Variants in APLP1 observed in about 807,000 individuals in gnomAD.
The protein encoded by APLP1 is amyloid beta (A4) precursor-like protein 1.
Under a neutral mutation model 84.5 loss-of-function variants are expected in APLP1, and 46 were observed. That is an observed-to-expected ratio of 0.54 (90% CI 0.43 to 0.70). APLP1 has a LOEUF of 0.70. Ranked by LOEUF, APLP1 falls within the 30% of genes least tolerant of loss-of-function variation. The pLI, the probability that APLP1 is intolerant of heterozygous loss-of-function variation, is 0.00. For missense variants in APLP1, 826 were observed against 900.2 expected (o/e 0.92, Z 1.05); for synonymous variants, 376 against 364.0 (o/e 1.03, Z -0.38).
rs754145518 is a variant in APLP1 at position 35,871,929 on chromosome 19, C to A, written c.743C>A (p.Ser248Tyr). ...EGAEDEEEEESFPQPVDDYFV... is the reference protein window; with the variant it reads ...EGAEDEEEEEYFPQPVDDYFV... ...GCTGAGGACGAGGAAGAGGAGGAAT[C>A]CTTCCCACAGCCAGTAGATGATTAC... is the stretch of plus-strand genomic sequence containing the variant. Residue 248 changes from serine to tyrosine, a missense_variant, in exon 6 of 17, where the codon TCC (serine) becomes TAC (tyrosine). By Grantham distance (144) the Ser-to-Tyr change is moderately radical. Transcript: ENST00000221891. 2 of 1,614,150 alleles carry A rather than the reference C, an allele frequency of 1.2e-6. No homozygotes were observed. Among genetic ancestry groups the A allele is most frequent in the Admixed American group, 3.3e-5 (2 of 60,014 alleles).
At chr19:35,871,560 T>C in intron 4 of APLP1, 52 bp from the exon 5 acceptor site, 1 of 1,607,666 alleles carries the variant, frequency 6.2e-7, no homozygotes, top group Non-Finnish European at 8.5e-7. Flanking sequence ...CAGTTCCCCA[T>C]CTACCCCCTC....
chr19:35,872,470 C>A lies in APLP1; in HGVS notation c.851-13C>A, dbSNP rs542854927. ...TGGGCTGCAGACTGACCTCCTGATCCCTGGTCTTGCAGTCACTCCCACCCC... is the reference window on the plus strand; with the variant it reads ...TGGGCTGCAGACTGACCTCCTGATCACTGGTCTTGCAGTCACTCCCACCCC... On this transcript the variant is annotated splice_polypyrimidine_tract_variant and intron_variant, in intron 6 of 16. Coordinates refer to ENST00000221891, the MANE Select transcript of APLP1 (RefSeq NM_001024807.3). 67 of 1,609,554 alleles carry A rather than the reference C, an allele frequency of 4.2e-5. 3 individuals carry two copies. In the South Asian group the frequency reaches 7.2e-4, roughly 17 times the overall value.
Position 35,871,848 on chromosome 19 carries a change from G to T in APLP1, c.672-10G>T. On this transcript the variant is annotated splice_polypyrimidine_tract_variant and intron_variant, in intron 5 of 16. Coordinates refer to ENST00000221891, the MANE Select transcript of APLP1 (RefSeq NM_001024807.3). ...GTTCTTACTGCCTGGGTCCTCTCCTGCTCCCTCAGTGACCCCTCCACCCGG... is the reference window on the plus strand; with the variant it reads ...GTTCTTACTGCCTGGGTCCTCTCCTTCTCCCTCAGTGACCCCTCCACCCGG... The T allele has an allele frequency of 1.2e-6, 2 of 1,613,652 alleles. No individual in the cohort carries two copies. The highest frequency in any genetic ancestry group is 4.5e-5 in the East Asian group (2 of 44,862).
At position 35,868,943 on chromosome 19, in the gene APLP1, C is replaced by T. The variant is rs1974064798; in HGVS notation, c.147+160C>T. ...TTTATGAACCCAGGGTTCCAGGCCCCAGCTCCCCCATCATGCGACGTCCCA... is the reference window on the plus strand; with the variant it reads ...TTTATGAACCCAGGGTTCCAGGCCCTAGCTCCCCCATCATGCGACGTCCCA... On this transcript the variant is annotated intron_variant, in intron 1 of 16. Transcript: ENST00000221891. The surrounding 1 kb of genome is among the most constrained non-coding windows in gnomAD (Gnocchi z 5.2). The T allele has an allele frequency of 2.2e-6, 1 of 460,336 alleles. No homozygotes were observed. The highest frequency in any genetic ancestry group is 3.6e-6 in the Non-Finnish European group (1 of 281,152). 28.5% of individuals were successfully genotyped at this position (460,336 alleles called of 1,614,324 possible). A position where few individuals can be genotyped will look rare whatever the true frequency, so the allele number is the denominator to read the frequency against.
intron 10 of APLP1, among the ~76,000 whole-genome samples, chr19:35,875,274 G>T (rs568896688): frequency 1.3e-5 from 2 of 148,206 alleles, no homozygotes; most frequent in East Asian, 4.0e-4. Flanking sequence ...CAATTCTCCT[G>T]CCTCAGCCTC....
intron 8 of APLP1, 119 bp downstream of exon 8, chr19:35,873,832 C>A: frequency 1.1e-6 from 1 of 899,110 alleles, no homozygotes; most frequent in Non-Finnish European, 1.8e-6. Flanking sequence ...CTATCTCAGC[C>A]TTTCCTGGCC....
chr19:35,874,664 TGCGGGGACC>T lies in APLP1; in HGVS notation c.1215+4_1215+12del. On this transcript the variant is annotated splice_donor_5th_base_variant and intron_variant, in intron 9 of 16. Coordinates refer to ENST00000221891, the MANE Select transcript of APLP1 (RefSeq NM_001024807.3). The surrounding 1 kb of genome is among the most constrained non-coding windows in gnomAD (Gnocchi z 6.4). ...GCCCTGCAGGCAGATCCGCCTCAGGTGCGGGGACCGTGGGGGCAGAGAGCAGAGGGTGAG... is the reference window on the plus strand; with the variant it reads ...GCCCTGCAGGCAGATCCGCCTCAGGTGTGGGGGCAGAGAGCAGAGGGTGAG... 6.2e-7 allele frequency: 1 copy of T among 1,613,392 alleles called. No individual in the cohort carries two copies. Among genetic ancestry groups the T allele is most frequent in the Non-Finnish European group, 8.5e-7 (1 of 1,179,850 alleles).
chr19:35,871,041 C>T lies in APLP1; in HGVS notation c.424+13C>T, dbSNP rs774596342. The T allele has an allele frequency of 1.3e-5, 20 of 1,513,884 alleles. No homozygotes were observed. Among genetic ancestry groups the T allele is most frequent in the Non-Finnish European group, 1.7e-5 (19 of 1,129,700 alleles). The allele number at this position is 1,513,884 out of a possible 1,614,324, so 93.8% of individuals were successfully genotyped here. On this transcript the variant is annotated intron_variant, in intron 3 of 16. Transcript: ENST00000221891. ...TTCCGCTGCCTGCGTGAGTCCCAGG[C>T]GGGGAGAGGGGAACTGAGGTGGGAG... is the stretch of plus-strand genomic sequence containing the variant.
intron 11 of APLP1, among the ~76,000 whole-genome samples, chr19:35,876,877 G>A (rs1042990850): frequency 6.6e-6 from 1 of 152,166 alleles, no homozygotes; most frequent in Admixed American, 6.5e-5. Flanking sequence ...TGGGAGTCTA[G>A]CACAAATGGA....
At position 35,876,540 on chromosome 19, in the gene APLP1, T is replaced by G. The variant is rs1290989727; in HGVS notation, c.1368T>G (p.Ile456Met). Residue 456 changes from isoleucine to methionine, a missense_variant, in exon 11 of 17, where the codon ATT becomes ATG. By Grantham distance (10) the Ile-to-Met change is conservative (BLOSUM62 1). Around this residue, in one of 3 missense-constraint regions of APLP1, gnomAD observed 433 missense variants for 496.5 expected, o/e 0.87. Coordinates refer to ENST00000221891, the MANE Select transcript of APLP1 (RefSeq NM_001024807.3). ...RFQVHTHLQV[I>M]EERVNQSLGL... ...AGGTGCATACCCACCTTCAAGTGAT[T>G]GAGGAGAGGGTGAATCAGAGCCTGG... 1 of 1,613,974 alleles carries G rather than the reference T, an allele frequency of 6.2e-7. No individual in the cohort carries two copies. The highest frequency in any genetic ancestry group is 1.1e-5 in the South Asian group (1 of 91,060).
chr19:35,870,751 T>G (rs1035831107), intron 2 of APLP1, 145 bp from the exon 3 acceptor site: 1 of 1,212,316 alleles, frequency 8.2e-7, no homozygotes, highest in Non-Finnish European at 1.1e-6. Flanking sequence ...ACCATTCCAC[T>G]CCAGCCTGGG....
chr19:35,875,109 G>A (rs230265), intron 10 of APLP1, among the ~76,000 whole-genome samples: 15,507 of 149,944 alleles, frequency 0.1, 1,640 homozygotes, highest in African/African-American at 0.27. Context: ...TCCCCCCGCC[G>A]TCGATCCTAT....
chr19:35,869,391 C>G, intron 1 of APLP1: 2 of 628,476 alleles, frequency 3.2e-6, no homozygotes, highest in South Asian at 3.6e-5. Flanking sequence ...CCTTCGGGCT[C>G]CAGAGCGGCT....
intron 2 of APLP1, 68 bp from the exon 3 acceptor site, chr19:35,870,828 G>A (rs1171845357): frequency 2.6e-6 from 4 of 1,539,078 alleles, no homozygotes; most frequent in African/African-American, 2.8e-5. Flanking sequence ...AAAGGGACCT[G>A]ACTACTGGAG....
At chr19:35,869,101 A>G in intron 1 of APLP1, 1 of 297,184 alleles carries the variant, frequency 3.4e-6, no homozygotes, top group Non-Finnish European at 6.1e-6. Flanking sequence ...CCAAGCAGCG[A>G]GGCATTTAGA....
intron 7 of APLP1, 45 bp downstream of exon 7, chr19:35,872,658 C>T (rs1356292295): frequency 6.4e-7 from 1 of 1,569,702 alleles, no homozygotes; most frequent in Admixed American, 1.9e-5. Context: ...TACAGAGCTC[C>T]CTAAATACCA....
At chr19:35,871,818 C>T (rs1365759119) in intron 5 of APLP1, 40 bp from the exon 6 acceptor site, 16 of 1,612,814 alleles carry the variant, frequency 9.9e-6, no homozygotes, top group Non-Finnish European at 1.2e-5. Context: ...GGAGCCCAGG[C>T]CTGGGTTCTT....
chr19:35,875,014 C>T, intron 10 of APLP1, 145 bp downstream of exon 10: 4 of 1,208,278 alleles, frequency 3.3e-6, no homozygotes, highest in Non-Finnish European at 3.4e-6. Flanking sequence ...CCTTCCCAGT[C>T]TCTCAGCTCA....
chr19:35,869,464 C>T (rs186201527), intron 1 of APLP1: 2 of 719,780 alleles, frequency 2.8e-6, no homozygotes, highest in African/African-American at 3.6e-5. Flanking sequence ...CCGGGGGACC[C>T]AGGTCGCCAT....
Sources: gnomAD v4.1 joint callset for allele counts (sites outside exome capture counted in the v4.1 genomes callset) on GRCh38, gnomAD v4.1.1 for gene constraint, gnomAD v4.1.1 regional missense constraint, Gnocchi (gnomAD v3.1) non-coding constraint, MANE v1.5 for transcripts, NCBI Gene and HGNC (gene_info 2026-07-23, HGNC 2026-07-21) for gene names.